Variants in PZP observed in about 807,000 individuals in gnomAD.
PZP encodes the protein pregnancy zone protein.
A neutral mutation model predicts 179.8 loss-of-function variants in PZP; 150 were observed. That is an observed-to-expected ratio of 0.83 (90% confidence interval 0.73 to 0.96). The LOEUF is 0.96. Ranked by LOEUF, PZP falls within the 40% of genes least tolerant of loss-of-function variation. PZP has a pLI of 0.00. For missense variants in PZP, 1,689 were observed against 1,764.0 expected (o/e 0.96, Z 0.76); for synonymous variants, 624 against 652.3 (o/e 0.96, Z 0.66).
At chr12:9,149,482 G>T in intron 35 of PZP, 79 bp downstream of exon 35, 1 of 1,389,158 alleles carries the variant, frequency 7.2e-7, no homozygotes, top group Non-Finnish European at 9.9e-7. Context: ...GAAAAGCCTT[G>T]TAGAGAATTT....
At chr12:9,177,837 T>C (rs1420027027) in intron 15 of PZP, among the ~76,000 whole-genome samples, 1 of 152,160 alleles carries the variant, frequency 6.6e-6, no homozygotes, top group Non-Finnish European at 1.5e-5. Context: ...AAGACAGACA[T>C]AAACTGTTGA....
At position 9,157,870 on chromosome 12, in the gene PZP, T is replaced by A. The variant is rs767054915; in HGVS notation, c.3295-29A>T. Reference sequence around the variant, plus strand: ...TGAATACAACATTGATTTGATTAATTCCAGTGCCAAGTGTTAGTATATTCT... The same window carrying A: ...TGAATACAACATTGATTTGATTAATACCAGTGCCAAGTGTTAGTATATTCT... On this transcript the variant is annotated intron_variant, in intron 26 of 35. Coordinates refer to ENST00000261336, the MANE Select transcript of PZP (RefSeq NM_002864.3). The A allele has an allele frequency of 3.2e-6, 5 of 1,567,994 alleles. No homozygotes were observed. In the South Asian group the frequency reaches 4.5e-5, roughly 14 times the overall value.
chr12:9,147,445 C>CT (rs1940068414), downstream of PZP, among the ~76,000 whole-genome samples: 2 of 152,144 alleles, frequency 1.3e-5, no homozygotes, highest in South Asian at 4.1e-4. Flanking sequence ...TCTGAATCTT[C>CT]TTTTTTCTGT....
In PZP at chr12:9,181,998, T is replaced by C; in HGVS notation, c.1666A>G (p.Ile556Val). 1 of 1,613,826 alleles carries C rather than the reference T, an allele frequency of 6.2e-7. No homozygotes were observed. The highest frequency in any genetic ancestry group is 8.5e-7 in the Non-Finnish European group (1 of 1,179,876). The change falls in exon 14 of 36, where the codon ATT becomes GTT. Residue 556 changes from isoleucine to valine, a missense_variant. This residue lies in a region of PZP where 742 missense variants were observed against 730.5 expected (regional missense o/e 1.02). Coordinates refer to ENST00000261336, the MANE Select transcript of PZP (RefSeq NM_002864.3). ...EVVGDSEKFE[I>V]ENCLANKVDL... Reference sequence around the variant, plus strand: ...ACCTTGTTGGCTAGACAGTTTTCAATCTCAAATTTTTCAGAGTCTCCAACA... The same window carrying C: ...ACCTTGTTGGCTAGACAGTTTTCAACCTCAAATTTTTCAGAGTCTCCAACA...
chr12:9,154,282 T>A (rs1020009096), intron 29 of PZP, among the ~76,000 whole-genome samples: 2 of 152,206 alleles, frequency 1.3e-5, no homozygotes, highest in African/African-American at 4.8e-5. Context: ...TGAGGATAGT[T>A]CCTTTTACAA....
At chr12:9,204,950 A>G (rs1944375482) in intron 1 of PZP, among the ~76,000 whole-genome samples, 1 of 151,968 alleles carries the variant, frequency 6.6e-6, no homozygotes, top group African/African-American at 2.4e-5. Context: ...TAAAATAAAA[A>G]ATTTAGCCAG....
intron 28 of PZP, chr12:9,156,121 C>A: frequency 4.4e-6 from 1 of 228,452 alleles, no homozygotes; most frequent in South Asian, 7.6e-5. Context: ...TGTTTCTGGT[C>A]TCTGTTCTTT....
rs771326631 is a variant in PZP at position 9,169,419 on chromosome 12, G to A, written c.2001+11C>T. On this transcript the variant is annotated intron_variant, in intron 16 of 35. Coordinates refer to ENST00000261336, the MANE Select transcript of PZP (RefSeq NM_002864.3). ...ACAAGCCAGCATGTTAATAAGTAGT[G>A]AGAATTTTACCTTGAGGAAGCTATA... 1.3e-6 allele frequency: 2 copies of A among 1,576,676 alleles called. No homozygotes were observed. The highest frequency in any genetic ancestry group is 1.7e-6 in the Non-Finnish European group (2 of 1,159,888).
intron 7 of PZP, among the ~76,000 whole-genome samples, chr12:9,199,863 G>A (rs7976807): frequency 0.34 from 51,782 of 151,906 alleles, 8,828 homozygotes; most frequent in East Asian, 0.44. Flanking sequence ...GAAAATTTCC[G>A]TTGTAGAGAG....
chr12:9,148,713 C>G, downstream of PZP: 1 of 411,106 alleles, frequency 2.4e-6, no homozygotes, highest in South Asian at 4.2e-5. Flanking sequence ...GCAACCTCCA[C>G]TCTGCTTTCC....
intron 1 of PZP, 50 bp downstream of exon 1, chr12:9,208,209 G>A (rs1293144326): frequency 2.1e-6 from 3 of 1,425,736 alleles, no homozygotes; most frequent in African/African-American, 2.8e-5. Context: ...GAAGACACAA[G>A]GGAGAGACTG....
intron 15 of PZP, among the ~76,000 whole-genome samples, chr12:9,177,824 A>G (rs1942491891): frequency 6.6e-6 from 1 of 152,210 alleles, no homozygotes. Flanking sequence ...GACTAAAAGG[A>G]ATAAGACAGA....
At chr12:9,162,359 C>T (rs1244892063) in intron 22 of PZP, 6 of 461,648 alleles carry the variant, frequency 1.3e-5, no homozygotes, top group South Asian at 9.5e-5. Context: ...AAAAGGGCTA[C>T]GTATGAACCA....
chr12:9,149,542 A>G lies in PZP; in HGVS notation c.4426+19T>C. On this transcript the variant is annotated intron_variant, in intron 35 of 35. Transcript: ENST00000261336. ...GGGTTAATGCCATCTAGTACTGGTC[A>G]TAAGTGGTGAACTCTTACCTGTGCT... 1.2e-6 allele frequency: 2 copies of G among 1,608,564 alleles called. No individual in the cohort carries two copies. Among genetic ancestry groups the G allele is most frequent in the Non-Finnish European group, 1.7e-6 (2 of 1,176,054 alleles).
chr12:9,145,353 G>A (rs766304256), downstream of PZP, among the ~76,000 whole-genome samples: 3 of 151,426 alleles, frequency 2.0e-5, no homozygotes, highest in Non-Finnish European at 2.9e-5. Context: ...AGACTTTTTG[G>A]GGTTACCTTG....
the PZP span, among the ~76,000 whole-genome samples, chr12:9,140,997 T>C: frequency 5.6e-3 from 847 of 152,234 alleles, 10 homozygotes; most frequent in Non-Finnish European, 8.6e-3. Context: ...ATAACTTAAA[T>C]ATACTCAAAA....
chr12:9,154,916 C>T, intron 28 of PZP, 77 bp from the exon 29 acceptor site: 1 of 1,356,336 alleles, frequency 7.4e-7, no homozygotes, highest in Non-Finnish European at 1.0e-6. Context: ...AATGCACATT[C>T]ATAATACATG....
At chr12:9,181,276 C>T in intron 14 of PZP, 144 bp from the exon 15 acceptor site, 2 of 1,068,108 alleles carry the variant, frequency 1.9e-6, no homozygotes, top group Non-Finnish European at 2.7e-6. Flanking sequence ...TACAACTTTC[C>T]TTCACTTTAA....
the PZP span, among the ~76,000 whole-genome samples, chr12:9,140,383 GTTTC>G: frequency 6.6e-6 from 1 of 152,060 alleles, no homozygotes; most frequent in South Asian, 2.1e-4. Flanking sequence ...ATTTAGCAGT[GTTTC>G]TTACTCGGCC....
Sources: allele counts gnomAD v4.1 joint callset (sites outside exome capture counted in the v4.1 genomes callset), GRCh38; gene constraint gnomAD v4.1.1; regional missense constraint gnomAD v4.1.1; transcripts MANE v1.5; gene names NCBI Gene and HGNC (gene_info 2026-07-23, HGNC 2026-07-21).